Variants in FBXW5 observed in about 807,000 individuals in gnomAD.
The protein encoded by FBXW5 is F-box and WD repeat domain containing 5, also known as F-box/WD repeat-containing protein 5.
A neutral mutation model predicts 50.9 loss-of-function variants in FBXW5; 74 were observed. The observed-to-expected ratio is 1.45, with a 90% confidence interval of 1.20 to 1.76. The LOEUF is 1.76. FBXW5 is among the 40% of genes most tolerant of loss of function. The probability of loss-of-function intolerance (pLI) is 0.00; values close to 1 mark genes in which losing one functional copy is unlikely to be tolerated. For missense variants in FBXW5, 1,073 were observed against 818.8 expected (o/e 1.31, Z -3.79); for synonymous variants, 523 against 362.2 (o/e 1.44, Z -5.04).
At position 136,941,307 on chromosome 9, in the gene FBXW5, C is replaced by T. The variant is rs138768587; in HGVS notation, c.1401G>A (p.Thr467=). ...RRALRAHRAY[T]PNDECFFIFL... ...AGATGAAGAAGCACTCGTCGTTGGG[C>T]GTGTAGGCGCGGTGCGCACGCAGAG... The change falls in exon 8 of 9, where the codon ACG becomes ACA. Residue 467 remains threonine (T), a synonymous_variant. Coordinates refer to ENST00000325285, the MANE Select transcript of FBXW5 (RefSeq NM_018998.4). 22 of 1,609,706 alleles carry T rather than the reference C, an allele frequency of 1.4e-5. No individual in the cohort carries two copies. Among genetic ancestry groups the T allele is most frequent in the Admixed American group, 1.7e-5 (1 of 60,008 alleles).
chr9:136,943,751 A>C (rs1295362335), intron 2 of FBXW5, 140 bp downstream of exon 2: 9 of 1,087,200 alleles, frequency 8.3e-6, no homozygotes, highest in Non-Finnish European at 1.2e-5. Flanking sequence ...CTGTGTCCTG[A>C]CAGGCCTCTA....
Position 136,940,954 on chromosome 9 carries a change from A to G in FBXW5, c.1675T>C (p.Ser559Pro), listed in dbSNP as rs1588456503. 6.4e-7 allele frequency: 1 copy of G among 1,572,018 alleles called. No homozygotes were observed. ...APRPRPRTFF[S>P]WLASQRR ...CAGCGCCTCTGGCTGGCAAGCCAGG[A>G]GAAGAAGGTGCGAGGCCGTGGGCGA... Residue 559 changes from serine (S) to proline (P), a missense_variant, in exon 9 of 9, where the codon TCC (serine) becomes CCC (proline). By Grantham distance (74) the Ser-to-Pro change is moderately conservative. Coordinates refer to ENST00000325285, the MANE Select transcript of FBXW5 (RefSeq NM_018998.4).
At position 136,942,316 on chromosome 9, in the gene FBXW5, G is replaced by A. The variant is rs1369421387; in HGVS notation, c.826C>T (p.Pro276Ser). The A allele has an allele frequency of 1.9e-6, 3 of 1,598,976 alleles. No individual in the cohort carries two copies. Among genetic ancestry groups the A allele is most frequent in the Non-Finnish European group, 2.6e-6 (3 of 1,173,762 alleles). The change falls in exon 6 of 9, where the codon CCC (proline) becomes TCC (serine). Residue 276 changes from proline (P) to serine (S), a missense_variant. Pro to Ser is a moderately conservative substitution (Grantham distance 74). Transcript: ENST00000325285. ...CTGCCCAGGTCAAAGATGCGGCAGG[G>A]GGACGTGGCCGGGTCACCGGCTTCC... ...LLEAGDPATS[P>S]CRIFDLGSDN...
Position 136,942,042 on chromosome 9 carries a change from G to A in FBXW5, c.1096+4C>T, listed in dbSNP as rs1014558110. On this transcript the variant is annotated splice_donor_region_variant and intron_variant, in intron 6 of 8. Coordinates refer to ENST00000325285, the MANE Select transcript of FBXW5 (RefSeq NM_018998.4). ...AGGCGGGCAGCATGGCGGCAGGGGT[G>A]TACCGATCTGGTGTGGGGAGTAGGT... 2 of 1,601,514 alleles carry A rather than the reference G, an allele frequency of 1.2e-6. No homozygotes were observed. Among genetic ancestry groups the A allele is most frequent in the African/African-American group, 1.3e-5 (1 of 74,840 alleles).
chr9:136,944,304 TC>T, intron 1 of FBXW5, 198 bp from the exon 2 acceptor site: 1 of 609,684 alleles, frequency 1.6e-6, no homozygotes, highest in Non-Finnish European at 2.4e-6. Flanking sequence ...CGCCGCGTCA[TC>T]CCCCGGCCTC....
intron 2 of FBXW5, among the ~76,000 whole-genome samples, 172 bp from the exon 3 acceptor site, chr9:136,943,678 A>AC (rs927008005): frequency 2.4e-4 from 37 of 151,608 alleles, no homozygotes; most frequent in African/African-American, 9.0e-4. Flanking sequence ...AGACCCCTGT[A>AC]CCCCCCACCC....
chr9:136,941,322 C>T lies in FBXW5; in HGVS notation c.1386G>A (p.Ala462=), dbSNP rs755144335. 6.8e-6 allele frequency: 11 copies of T among 1,609,714 alleles called. No individual in the cohort carries two copies. Among genetic ancestry groups the T allele is most frequent in the East Asian group, 6.7e-5 (3 of 44,806 alleles). Residue 462 remains alanine (A), a synonymous_variant, in exon 8 of 9, where the codon GCG becomes GCA. Transcript: ENST00000325285. The part of the protein sequence containing the change: ...TMREVRRALR[A]HRAYTPNDEC... ...CGTCGTTGGGCGTGTAGGCGCGGTG[C>T]GCACGCAGAGCCCGCCTCACCTCCC...
At chr9:136,943,527 G>T in intron 2 of FBXW5, 21 bp from the exon 3 acceptor site, 1 of 1,600,220 alleles carries the variant, frequency 6.2e-7, no homozygotes, top group African/African-American at 1.3e-5. Flanking sequence ...GCAGTTGTCA[G>T]TCCTGGGCCC....
intron 2 of FBXW5, 122 bp downstream of exon 2, chr9:136,943,769 G>GT: frequency 8.5e-7 from 1 of 1,182,946 alleles, no homozygotes; most frequent in Non-Finnish European, 1.2e-6. Flanking sequence ...CTATCAGGGT[G>GT]TGGGGGGGTG....
rs909024034 is a variant in FBXW5 at position 136,944,648 on chromosome 9, T to A, written c.-78A>T. The A allele has an allele frequency of 5.1e-6, 5 of 978,652 alleles. No individual in the cohort carries two copies. The highest frequency in any genetic ancestry group is 6.1e-6 in the Non-Finnish European group (5 of 823,702). The allele number at this position is 978,652 out of a possible 1,614,324, so 60.6% of individuals were successfully genotyped here. The stretch of plus-strand genomic sequence containing the variant: ...CCGCCCTGCGCGACCCGGACCCGCT[T>A]CCGCTGCCGCAGCCGCTCGGACCGC... On this transcript the variant is annotated 5_prime_UTR_variant, in exon 1 of 9. Coordinates refer to ENST00000325285, the MANE Select transcript of FBXW5 (RefSeq NM_018998.4).
chr9:136,943,365 T>C lies in FBXW5; in HGVS notation c.335A>G (p.Lys112Arg). 2 of 1,612,650 alleles carry C rather than the reference T, an allele frequency of 1.2e-6. No individual in the cohort carries two copies. Among genetic ancestry groups the C allele is most frequent in the East Asian group, 2.2e-5 (1 of 44,870 alleles). ...CGTCCTCACCTTCACAGTGCAGTCC[T>C]TGGAGCAGGACGCGAACTGGTACCC... ...HSGYQFASCSKDCTVKIWSND... is the reference protein window; with the variant it reads ...HSGYQFASCSRDCTVKIWSND... The change falls in exon 3 of 9, where the codon AAG becomes AGG. Residue 112 changes from lysine to arginine, a missense_variant. Transcript: ENST00000325285.
Position 136,942,370 on chromosome 9 carries a change from T to G in FBXW5, c.772A>C (p.Ser258Arg). 1 of 1,610,904 alleles carries G rather than the reference T, an allele frequency of 6.2e-7. No homozygotes were observed. Residue 258 changes from serine to arginine, a missense_variant, in exon 6 of 9, where the codon AGC becomes CGC. Ser to Arg is a moderately radical substitution (Grantham distance 110). Transcript: ENST00000325285. ...AGCAGGTCAGGGCTGTCGAAGCGGC[T>G]GCAGTCGGCCACCATCACCGTGCGG... Reference protein sequence around the residue: ...TVRTVMVADCSRFDSPDLLLE... With the variant: ...TVRTVMVADCRRFDSPDLLLE...
chr9:136,943,248 AC>A (rs11339872), intron 3 of FBXW5, 100 bp downstream of exon 3: 347,893 of 708,338 alleles, frequency 0.49, 52,583 homozygotes, highest in East Asian at 0.59. Flanking sequence ...GGCCTGACCC[AC>A]CCCCCCCCCC....
rs1850887328 is a variant in FBXW5, at chr9:136,943,479, TG to T, written c.220del (p.Gln74SerfsTer43). 1 of 1,611,870 alleles carries T rather than the reference TG, an allele frequency of 6.2e-7. No individual in the cohort carries two copies. Among genetic ancestry groups the T allele is most frequent in the African/African-American group, 1.3e-5 (1 of 74,918 alleles). ...GCAGGGCACCGTGTCATACAGCCGC[TG>T]GAACTCCTCGTACCAGGACATGGCC... ...PAAMSWYEEF[Q>X]RLYDTVPCVE... On this transcript the variant is annotated frameshift_variant, in exon 3 of 9. Transcript: ENST00000325285. LOFTEE classifies it high-confidence loss of function.
Position 136,944,635 on chromosome 9 carries a change from A to C in FBXW5, c.-65T>G, listed in dbSNP as rs1230312000. The C allele has an allele frequency of 1.0e-6, 1 of 983,944 alleles. No homozygotes were observed. The highest frequency in any genetic ancestry group is 1.8e-5 in the African/African-American group (1 of 56,760). The allele number at this position is 983,944 out of a possible 1,614,324, so 61.0% of individuals were successfully genotyped here. On this transcript the variant is annotated 5_prime_UTR_variant, in exon 1 of 9. Coordinates refer to ENST00000325285, the MANE Select transcript of FBXW5 (RefSeq NM_018998.4). The stretch of plus-strand genomic sequence containing the variant: ...CGCTGCGCCGCCCCCGCCCTGCGCG[A>C]CCCGGACCCGCTTCCGCTGCCGCAG...
chr9:136,941,910 G>A (rs7040705), intron 6 of FBXW5, 136 bp downstream of exon 6: 766,831 of 1,437,850 alleles, frequency 0.53, 206,203 homozygotes, highest in East Asian at 0.73. Context: ...CCCAGGTCTG[G>A]GCTTGTGACC....
chr9:136,941,545 G>T lies in FBXW5; in HGVS notation c.1236C>A (p.Pro412=). The T allele has an allele frequency of 6.2e-7, 1 of 1,610,462 alleles. No individual in the cohort carries two copies. Among genetic ancestry groups the T allele is most frequent in the Non-Finnish European group, 8.5e-7 (1 of 1,179,548 alleles). The change falls in exon 7 of 9, where the codon CCC becomes CCA. Residue 412 remains proline, a synonymous_variant. Coordinates refer to ENST00000325285, the MANE Select transcript of FBXW5 (RefSeq NM_018998.4). Reference sequence around the variant, plus strand: ...ACTGGCAAGAGGCCCACCTGTTGTCGGGCGACAGGCCCATGCCGATGATGT... The same window carrying T: ...ACTGGCAAGAGGCCCACCTGTTGTCTGGCGACAGGCCCATGCCGATGATGT... ...HGHIIGMGLS[P]DNRYLYVNSR...
chr9:136,942,721 G>A (rs1187704478), intron 4 of FBXW5, 26 bp from the exon 5 acceptor site: 1 of 1,610,072 alleles, frequency 6.2e-7, no homozygotes. Flanking sequence ...GGCTGGACAG[G>A]CTGTCGGCGT....
At position 136,940,859 on chromosome 9, in the gene FBXW5, C is replaced by G. The variant is rs916026710; in HGVS notation, c.*69G>C. The G allele has an allele frequency of 1.3e-6, 2 of 1,520,020 alleles. No individual in the cohort carries two copies. Among genetic ancestry groups the G allele is most frequent in the Admixed American group, 4.0e-5 (2 of 50,608 alleles). The allele number at this position is 1,520,020 out of a possible 1,614,324, so 94.2% of individuals were successfully genotyped here. ...TATAAGCATCTCCACCTCTCCCGCT[C>G]GGGAAAAAGCCACAGAGCCTGGCGA... On this transcript the variant is annotated 3_prime_UTR_variant, in exon 9 of 9. Transcript: ENST00000325285.
Sources: gnomAD v4.1 joint callset for allele counts (sites outside exome capture counted in the v4.1 genomes callset) on GRCh38, gnomAD v4.1.1 for gene constraint, MANE v1.5 for transcripts, NCBI Gene and HGNC (gene_info 2026-07-23, HGNC 2026-07-21) for gene names.